PTPRN2: variants seen among roughly 807,000 people sequenced by gnomAD.
The protein encoded by PTPRN2 is protein tyrosine phosphatase receptor type N2, also known as receptor-type tyrosine-protein phosphatase N2.
PTPRN2 carries 74 observed loss-of-function variants against 118.8 expected under a neutral mutation model. The ratio of observed to expected loss-of-function variants is 0.62; its 90% confidence interval spans 0.52 to 0.76. PTPRN2 has a LOEUF of 0.76. Among genes scored for constraint, PTPRN2 ranks in the 30% least tolerant of loss-of-function variants. The probability of loss-of-function intolerance (pLI) is 0.00; values close to 1 mark genes in which losing one functional copy is unlikely to be tolerated. For missense variants in PTPRN2, 1,481 were observed against 1,394.4 expected (o/e 1.06, Z -0.99); for synonymous variants, 641 against 608.0 (o/e 1.05, Z -0.80).
chr7:158,362,667 G>T (rs144515141), intron 2 of PTPRN2, among the ~76,000 whole-genome samples: 42 of 150,360 alleles, frequency 2.8e-4, no homozygotes, highest in African/African-American at 9.5e-4. Flanking sequence ...ATAACTGGAT[G>T]TGCGTATAAA....
chr7:157,689,794 G>T (rs1797380899), intron 12 of PTPRN2, among the ~76,000 whole-genome samples: 1 of 152,208 alleles, frequency 6.6e-6, no homozygotes, highest in South Asian at 2.1e-4. Flanking sequence ...CCTCTCAGAG[G>T]CGTCCCCACC....
chr7:157,705,332 C>T (rs1165965062), intron 12 of PTPRN2, among the ~76,000 whole-genome samples: 1 of 152,148 alleles, frequency 6.6e-6, no homozygotes, highest in Non-Finnish European at 1.5e-5. Context: ...AAACAAAACC[C>T]TCCATTTTCC....
At chr7:157,736,084 C>T (rs115073866) in intron 12 of PTPRN2, among the ~76,000 whole-genome samples, 2,491 of 152,298 alleles carry the variant, frequency 0.016, 73 homozygotes, top group African/African-American at 0.056. Context: ...TGGGCGAGGC[C>T]GGCACCCGCT....
chr7:158,441,128 G>A (rs1459202098), intron 2 of PTPRN2, among the ~76,000 whole-genome samples: 1 of 150,022 alleles, frequency 6.7e-6, no homozygotes, highest in East Asian at 1.9e-4. Context: ...TGATAGTGGT[G>A]ATGGCAGTGG....
chr7:158,185,764 G>T (rs778745533), intron 5 of PTPRN2, among the ~76,000 whole-genome samples: 3 of 152,126 alleles, frequency 2.0e-5, no homozygotes, highest in Non-Finnish European at 4.4e-5. Context: ...AGTGAGACTC[G>T]AGATCCCTTT....
intron 2 of PTPRN2, among the ~76,000 whole-genome samples, chr7:158,434,109 G>A (rs569157589): frequency 3.3e-5 from 5 of 152,042 alleles, no homozygotes; most frequent in South Asian, 2.1e-4. Context: ...AAACATTTCC[G>A]TCTAATAGAT....
intron 2 of PTPRN2, among the ~76,000 whole-genome samples, chr7:158,434,598 C>T (rs1211210042): frequency 2.0e-5 from 3 of 152,102 alleles, no homozygotes; most frequent in Admixed American, 6.6e-5. Context: ...TTTTTAGTGA[C>T]AATCTTTAAT....
intron 12 of PTPRN2, among the ~76,000 whole-genome samples, chr7:157,774,572 C>T (rs572873870): frequency 2.9e-4 from 44 of 152,300 alleles, no homozygotes; most frequent in South Asian, 1.2e-3. Context: ...GACCACACAC[C>T]GGCTCATGTG....
intron 9 of PTPRN2, among the ~76,000 whole-genome samples, chr7:158,118,458 AAAG>A (rs1816899430): frequency 6.6e-6 from 1 of 152,236 alleles, no homozygotes; most frequent in Admixed American, 6.5e-5. Flanking sequence ...ACTAAACACA[AAAG>A]AAGATAGTAA....
chr7:157,562,126 A>C (rs1799222444), intron 21 of PTPRN2, among the ~76,000 whole-genome samples: 1 of 152,182 alleles, frequency 6.6e-6, no homozygotes, highest in African/African-American at 2.4e-5. Flanking sequence ...TGGCCCACCA[A>C]GGGGGATCGG....
At chr7:158,173,535 G>A (rs1823906851) in intron 5 of PTPRN2, among the ~76,000 whole-genome samples, 1 of 152,194 alleles carries the variant, frequency 6.6e-6, no homozygotes. Flanking sequence ...AATTACTGAT[G>A]AGTGTCCCAC....
intron 12 of PTPRN2, among the ~76,000 whole-genome samples, chr7:157,744,372 G>C (rs1250872180): frequency 3.9e-5 from 6 of 152,126 alleles, no homozygotes; most frequent in Admixed American, 3.3e-4. Context: ...ATAGGAACTG[G>C]GGACCCGACC....
At chr7:157,938,398 T>C (rs900291621) in intron 11 of PTPRN2, among the ~76,000 whole-genome samples, 15 of 152,232 alleles carry the variant, frequency 9.9e-5, no homozygotes, top group Admixed American at 4.6e-4. Flanking sequence ...TGAAAGGTTC[T>C]TGAGCTGCTG....
chr7:158,334,430 A>G (rs1182505660), intron 2 of PTPRN2, among the ~76,000 whole-genome samples: 1 of 70,422 alleles, frequency 1.4e-5, no homozygotes, highest in Non-Finnish European at 3.1e-5. Flanking sequence ...GACGTCACTC[A>G]CACCCACACT....
intron 1 of PTPRN2, among the ~76,000 whole-genome samples, chr7:158,523,493 CGTCTGCCCTGGAGT>C (rs1824412212): frequency 2.8e-4 from 24 of 84,398 alleles, no homozygotes; most frequent in South Asian, 5.5e-4. Flanking sequence ...GGAGTGGAGT[CGTCTGCCCTGGAGT>C]GGAGTCGTCT....
intron 2 of PTPRN2, among the ~76,000 whole-genome samples, chr7:158,472,016 C>T (rs541133584): frequency 6.6e-5 from 10 of 152,228 alleles, no homozygotes; most frequent in South Asian, 4.2e-4. Flanking sequence ...GGCCTCGCCA[C>T]GGTTCCTGCC....
In PTPRN2 at chr7:158,545,469, C is replaced by T. The variant is rs577725359; in HGVS notation, c.112+42089G>A. On this transcript the variant is annotated intron_variant, in intron 1 of 22. Transcript: ENST00000389418. ...TACATTTCCTTTCCTTTTCTGCACC[C>T]TTCCAGGATGGATGTGGGTCACTTT... Among the ~76,000 whole-genome samples, 12 of 152,334 alleles carry T rather than the reference C, an allele frequency of 7.9e-5. 1 individual carries two copies. The East Asian group carries it at 2.3e-3, about 29-fold the overall frequency.
intron 3 of PTPRN2, among the ~76,000 whole-genome samples, chr7:158,247,240 A>C (rs1484666434): frequency 1.3e-5 from 2 of 152,124 alleles, no homozygotes; most frequent in Non-Finnish European, 2.9e-5. Context: ...GGGCTCTGAG[A>C]CGCCCCCTGG....
At chr7:158,134,408 G>T (rs978031665) in intron 8 of PTPRN2, among the ~76,000 whole-genome samples, 1 of 152,012 alleles carries the variant, frequency 6.6e-6, no homozygotes, top group Non-Finnish European at 1.5e-5. Context: ...GTGATATCAA[G>T]ATCCCACCCC....
Sources: allele counts gnomAD v4.1 joint callset (sites outside exome capture counted in the v4.1 genomes callset), GRCh38; gene constraint gnomAD v4.1.1; transcripts MANE v1.5; gene names NCBI Gene and HGNC (gene_info 2026-07-23, HGNC 2026-07-21).